Variants in LRRC4B observed in about 807,000 individuals in gnomAD.
The protein encoded by LRRC4B is leucine rich repeat containing 4B.
In LRRC4B, 1 loss-of-function variant was observed where a neutral mutation model predicts 7.3. The observed-to-expected ratio is 0.14, with a 90% CI of 0.05 to 0.65. LRRC4B has a LOEUF of 0.65. LRRC4B is among the 30% of genes least tolerant of loss of function. LRRC4B has a pLI of 0.84. For missense variants in LRRC4B, 730 were observed against 1,041.6 expected (o/e 0.70, Z 4.12); for synonymous variants, 500 against 499.2 (o/e 1.00, Z -0.02).
intron 2 of LRRC4B, among the ~76,000 whole-genome samples, chr19:50,532,996 T>C (rs1981120761): frequency 2.0e-5 from 3 of 152,216 alleles, no homozygotes; most frequent in African/African-American, 7.2e-5. Flanking sequence ...CTATTCTGCT[T>C]TTTACCTTCG....
At chr19:50,554,704 C>G (rs1176091076) in intron 1 of LRRC4B, among the ~76,000 whole-genome samples, 1 of 152,242 alleles carries the variant, frequency 6.6e-6, no homozygotes, top group Non-Finnish European at 1.5e-5. Context: ...GGGCACCATT[C>G]TGGGAGCTTT....
rs545356291 is a variant in LRRC4B, at chr19:50,529,984, C to T, written c.298-10569G>A. 2.6e-5 allele frequency among the ~76,000 whole-genome samples: 4 copies of T among 151,324 alleles called. No individual in the cohort carries two copies. The East Asian group carries it at 5.8e-4, about 22-fold the overall frequency. On this transcript the variant is annotated intron_variant, in intron 2 of 2. Coordinates refer to ENST00000652263, the MANE Select transcript of LRRC4B (RefSeq NM_001080457.2). ...TTCAGGGTCCCTTTTCTCAGTGGGC[C>T]CCCCCTAGCTCATCCTCCCCGTCCA...
intron 2 of LRRC4B, among the ~76,000 whole-genome samples, chr19:50,538,682 C>T (rs535493081): frequency 1.0e-3 from 158 of 151,298 alleles, no homozygotes; most frequent in Non-Finnish European, 1.9e-3. Flanking sequence ...AATCTTCCCA[C>T]CTCAGCCTCC....
In LRRC4B at chr19:50,519,548, T is replaced by A; in HGVS notation, c.298-133A>T. The A allele has an allele frequency of 7.0e-7, 1 of 1,423,842 alleles. No homozygotes were observed. Among genetic ancestry groups the A allele is most frequent in the South Asian group, 1.5e-5 (1 of 66,638 alleles). The allele number at this position is 1,423,842 out of a possible 1,614,324, so 88.2% of individuals were successfully genotyped here. ...TGTGCTGTGACGGTACGACCTATAT[T>A]GCAACATGGTTTGATGAGTTTCTTA... On this transcript the variant is annotated intron_variant, in intron 2 of 2. Transcript: ENST00000652263. The surrounding 1 kb of genome is among the most constrained non-coding windows in gnomAD (Gnocchi z 8.1).
In LRRC4B at chr19:50,548,198, A is replaced by T. The variant is rs1318131151; in HGVS notation, c.297+344T>A. Among the ~76,000 whole-genome samples, 1 of 152,174 alleles carries T rather than the reference A, an allele frequency of 6.6e-6. No individual in the cohort carries two copies. The highest frequency in any genetic ancestry group is 2.4e-5 in the African/African-American group (1 of 41,442). On this transcript the variant is annotated intron_variant, in intron 2 of 2. Transcript: ENST00000652263. This position sits in a 1 kb window ranked among gnomAD's most constrained non-coding sequence, Gnocchi z 6.8. Reference sequence around the variant, plus strand: ...GAGGGTGTGGTGGTGCAGATGCCACAGGGGTCCCTGTGAAAGGGTTGCTCT... The same window carrying T: ...GAGGGTGTGGTGGTGCAGATGCCACTGGGGTCCCTGTGAAAGGGTTGCTCT...
At chr19:50,532,856 C>T (rs1019389348) in intron 2 of LRRC4B, among the ~76,000 whole-genome samples, 3 of 152,170 alleles carry the variant, frequency 2.0e-5, no homozygotes, top group Non-Finnish European at 4.4e-5. Context: ...TTGGGGAACA[C>T]CCTGGTTGTG....
chr19:50,566,911 G>A (rs1450891990), intron 1 of LRRC4B, among the ~76,000 whole-genome samples: 3 of 150,534 alleles, frequency 2.0e-5, no homozygotes, highest in Non-Finnish European at 4.4e-5. Context: ...GGAGAGGCTG[G>A]GGTGCAAGGC....
At chr19:50,565,611 C>T (rs992392785) in intron 1 of LRRC4B, among the ~76,000 whole-genome samples, 2 of 152,030 alleles carry the variant, frequency 1.3e-5, no homozygotes, top group Non-Finnish European at 2.9e-5. Context: ...CTTCCTCGCA[C>T]GCTCCCACTC....
intron 2 of LRRC4B, among the ~76,000 whole-genome samples, chr19:50,541,368 C>CAAAAA (rs71332010): frequency 1.1e-4 from 8 of 74,904 alleles, no homozygotes; most frequent in Non-Finnish European, 1.4e-4. Flanking sequence ...GACTCTATCT[C>CAAAAA]AAAAAAAAAA....
chr19:50,540,761 G>A (rs553872770), intron 2 of LRRC4B, among the ~76,000 whole-genome samples: 5 of 151,172 alleles, frequency 3.3e-5, no homozygotes, highest in Admixed American at 2.7e-4. Flanking sequence ...ATCCATCACT[G>A]TCTCCCATCA....
At position 50,537,209 on chromosome 19, in the gene LRRC4B, C is replaced by T. The variant is rs1008902642; in HGVS notation, c.297+11333G>A. 3.3e-5 allele frequency among the ~76,000 whole-genome samples: 5 copies of T among 152,260 alleles called. No homozygotes were observed. The highest frequency in any genetic ancestry group is 4.8e-5 in the African/African-American group (2 of 41,560). On this transcript the variant is annotated intron_variant, in intron 2 of 2. Coordinates refer to ENST00000652263, the MANE Select transcript of LRRC4B (RefSeq NM_001080457.2). The surrounding 1 kb of genome is among the most constrained non-coding windows in gnomAD (Gnocchi z 5.5). ...AGTTCTGCAGCCAGCCTGCCTGGGC[C>T]GAGTCCCAGCTCCGTTACTAACCAT...
rs908219196 is a variant in LRRC4B, at chr19:50,556,610, T to A, written c.-35-7737A>T. Among the ~76,000 whole-genome samples the A allele has an allele frequency of 3.9e-5, 6 of 152,334 alleles. No homozygotes were observed. In the South Asian group the frequency reaches 1.2e-3, roughly 32 times the overall value. On this transcript the variant is annotated intron_variant, in intron 1 of 2. Transcript: ENST00000652263. This position sits in a 1 kb window ranked among gnomAD's most constrained non-coding sequence, Gnocchi z 4.2. ...CCAGCACCTGATGCTCGGTGATTTGTTCCTGCGTTCATTGCCTGCCTTCCT... is the reference window on the plus strand; with the variant it reads ...CCAGCACCTGATGCTCGGTGATTTGATCCTGCGTTCATTGCCTGCCTTCCT...
chr19:50,560,028 G>A (rs979435948), intron 1 of LRRC4B, among the ~76,000 whole-genome samples: 2 of 152,150 alleles, frequency 1.3e-5, no homozygotes, highest in African/African-American at 2.4e-5. Context: ...CCAGCTACTC[G>A]GGAGGCTGAG....
chr19:50,536,553 A>G (rs1981297946), intron 2 of LRRC4B, among the ~76,000 whole-genome samples: 1 of 152,154 alleles, frequency 6.6e-6, no homozygotes. Context: ...TGCTCAATAA[A>G]CAAATCAGGG....
At chr19:50,544,287 A>C (rs1981696057) in intron 2 of LRRC4B, among the ~76,000 whole-genome samples, 1 of 151,990 alleles carries the variant, frequency 6.6e-6, no homozygotes, top group South Asian at 2.1e-4. Flanking sequence ...CGGGCAGATC[A>C]CGAAGTCAGG....
chr19:50,531,787 C>A (rs1981069717), intron 2 of LRRC4B, among the ~76,000 whole-genome samples: 1 of 152,222 alleles, frequency 6.6e-6, no homozygotes, highest in African/African-American at 2.4e-5. Flanking sequence ...TCTGAGCCCA[C>A]TTTCCTCCCA....
intron 2 of LRRC4B, among the ~76,000 whole-genome samples, chr19:50,531,460 G>A (rs535107805): frequency 3.9e-5 from 6 of 152,204 alleles, no homozygotes; most frequent in Non-Finnish European, 5.9e-5. Flanking sequence ...GGGGTGTGAA[G>A]GGAGATGAAG....
chr19:50,532,864 G>C (rs1164066332), intron 2 of LRRC4B, among the ~76,000 whole-genome samples: 2 of 152,216 alleles, frequency 1.3e-5, no homozygotes, highest in Non-Finnish European at 2.9e-5. Flanking sequence ...CACCCTGGTT[G>C]TGCTGGTCCC....
rs772660478 is a variant in LRRC4B, at chr19:50,518,642, C to T, written c.1071G>A (p.Ser357=). Residue 357 remains serine (S), a synonymous_variant, in exon 3 of 3, where the codon TCG becomes TCA. Coordinates refer to ENST00000652263, the MANE Select transcript of LRRC4B (RefSeq NM_001080457.2). ...KGRYIGELDQ[S]HFTCYAPVIV... ...TGACGGGCGCATAGCAGGTGAAATG[C>T]GACTGGTCCAGCTCCCCAATGTAGC... The T allele has an allele frequency of 4.3e-6, 7 of 1,610,928 alleles. No homozygotes were observed. In the African/African-American group the frequency reaches 8.0e-5, roughly 18 times the overall value.
Sources: allele counts gnomAD v4.1 joint callset (sites outside exome capture counted in the v4.1 genomes callset), GRCh38; gene constraint gnomAD v4.1.1; non-coding constraint Gnocchi (gnomAD v3.1); transcripts MANE v1.5; gene names NCBI Gene and HGNC (gene_info 2026-07-23, HGNC 2026-07-21).